C1orf105: variants seen among roughly 807,000 people sequenced by gnomAD.
C1orf105 encodes uncharacterized protein C1orf105.
C1orf105 carries 17 observed loss-of-function variants against 20.8 expected under a neutral mutation model. The ratio of observed to expected loss-of-function variants is 0.82; its 90% CI spans 0.56 to 1.23. C1orf105 has a LOEUF of 1.23. Among genes scored for constraint, C1orf105 ranks in the 50% most tolerant of loss-of-function variants. The pLI is 0.00. For missense variants in C1orf105, 219 were observed against 213.5 expected (o/e 1.03, Z -0.16); for synonymous variants, 72 against 72.1 (o/e 1.00, Z 0.01).
intron 3 of C1orf105, among the ~76,000 whole-genome samples, chr1:172,448,840 A>G (rs1447344847): frequency 6.6e-6 from 1 of 152,114 alleles, no homozygotes; most frequent in South Asian, 2.1e-4. Flanking sequence ...ACTGGAACCA[A>G]TCTGGAGTCT....
At chr1:172,447,359 C>G (rs1358494044) in intron 2 of C1orf105, among the ~76,000 whole-genome samples, 3 of 152,224 alleles carry the variant, frequency 2.0e-5, no homozygotes, top group East Asian at 1.9e-4. Context: ...AGTGCCTGTA[C>G]TGACCCACTT....
chr1:172,447,790 G>A (rs1648177998), intron 2 of C1orf105, among the ~76,000 whole-genome samples: 1 of 152,258 alleles, frequency 6.6e-6, no homozygotes, highest in Non-Finnish European at 1.5e-5. Flanking sequence ...TTGGATGCCA[G>A]GGGCATGAAT....
intron 3 of C1orf105, 25 bp from the exon 4 acceptor site, chr1:172,456,388 CCT>C (rs780657501): frequency 2.2e-5 from 35 of 1,598,162 alleles, no homozygotes; most frequent in East Asian, 1.6e-4. Flanking sequence ...CATTTCCTCA[CCT>C]CTCTCTGTCT....
chr1:172,465,537 T>C, intron 6 of C1orf105, 174 bp downstream of exon 6: 2 of 687,800 alleles, frequency 2.9e-6, no homozygotes, highest in Non-Finnish European at 5.3e-6. Flanking sequence ...ACAGCCCTTC[T>C]TTCACTCCAG....
intron 1 of C1orf105, chr1:172,441,853 A>C: frequency 1.9e-6 from 3 of 1,614,226 alleles, no homozygotes; most frequent in Non-Finnish European, 2.5e-6. Flanking sequence ...AGACATCAGC[A>C]GAAGGGCAAA....
At chr1:172,429,308 A>G (rs1211355137) in intron 1 of C1orf105, among the ~76,000 whole-genome samples, 1 of 152,194 alleles carries the variant, frequency 6.6e-6, no homozygotes, top group African/African-American at 2.4e-5. Context: ...CCTAGCACGC[A>G]TTGGGTGCTC....
intron 2 of C1orf105, among the ~76,000 whole-genome samples, chr1:172,447,639 A>T (rs1266190199): frequency 6.6e-6 from 1 of 152,218 alleles, no homozygotes; most frequent in Non-Finnish European, 1.5e-5. Flanking sequence ...TGTGAGGAGA[A>T]ATGAAGCAAG....
chr1:172,427,390 T>C (rs561875952), intron 1 of C1orf105, among the ~76,000 whole-genome samples: 1 of 152,158 alleles, frequency 6.6e-6, no homozygotes, highest in Non-Finnish European at 1.5e-5. Flanking sequence ...AACTAACAAC[T>C]CTCTACCATT....
At chr1:172,459,930 A>G (rs897004340) in intron 4 of C1orf105, among the ~76,000 whole-genome samples, 72 of 152,218 alleles carry the variant, frequency 4.7e-4, no homozygotes, top group African/African-American at 1.6e-3. Flanking sequence ...TTTGCTAAGT[A>G]AAAGAAACCA....
intron 3 of C1orf105, among the ~76,000 whole-genome samples, chr1:172,451,680 G>A (rs1265974098): frequency 6.6e-6 from 1 of 151,880 alleles, no homozygotes; most frequent in Admixed American, 6.6e-5. Flanking sequence ...TAGGGATATG[G>A]ATATTATTTT....
intron 1 of C1orf105, chr1:172,443,995 T>C (rs1647657765): frequency 2.0e-6 from 2 of 999,932 alleles, no homozygotes; most frequent in Admixed American, 6.2e-5. Flanking sequence ...TACCCGAGAG[T>C]TCCTAGGGTT....
intron 3 of C1orf105, chr1:172,453,305 G>A (rs1214692165): frequency 8.1e-7 from 1 of 1,241,314 alleles, no homozygotes; most frequent in Non-Finnish European, 1.1e-6. Context: ...ATCGGTAGGG[G>A]AAGGGAGACT....
chr1:172,423,130 C>T (rs1003032825), intron 1 of C1orf105, among the ~76,000 whole-genome samples: 7 of 152,158 alleles, frequency 4.6e-5, no homozygotes, highest in Non-Finnish European at 8.8e-5. Context: ...GAGCCTTGAG[C>T]GAACATAGAT....
intron 4 of C1orf105, among the ~76,000 whole-genome samples, chr1:172,456,977 T>A (rs1364549329): frequency 6.6e-6 from 1 of 152,186 alleles, no homozygotes; most frequent in Non-Finnish European, 1.5e-5. Flanking sequence ...CGGTGTCACC[T>A]GCTTTGGGTA....
intron 1 of C1orf105, among the ~76,000 whole-genome samples, chr1:172,424,012 A>G (rs1010894402): frequency 1.2e-4 from 19 of 152,340 alleles, no homozygotes; most frequent in African/African-American, 4.1e-4. Context: ...ACAAGTTACT[A>G]TTGAATCTAA....
At chr1:172,442,195 G>T in intron 1 of C1orf105, 1 of 1,614,078 alleles carries the variant, frequency 6.2e-7, no homozygotes, top group South Asian at 1.1e-5. Flanking sequence ...AGTGCTGACA[G>T]ACTCTGTAAG....
At chr1:172,424,016 A>G (rs2071659327) in intron 1 of C1orf105, among the ~76,000 whole-genome samples, 1 of 152,212 alleles carries the variant, frequency 6.6e-6, no homozygotes, top group African/African-American at 2.4e-5. Context: ...GTTACTATTG[A>G]ATCTAAATAC....
At chr1:172,456,512 A>AT in intron 4 of C1orf105, 23 bp downstream of exon 4, 1 of 1,606,666 alleles carries the variant, frequency 6.2e-7, no homozygotes, top group South Asian at 1.1e-5. Flanking sequence ...GAAGACAGAA[A>AT]TGGGCACAGG....
intron 1 of C1orf105, chr1:172,444,018 G>A: frequency 2.0e-6 from 2 of 1,000,182 alleles, no homozygotes; most frequent in Non-Finnish European, 2.4e-6. Context: ...GCAGCTGGGG[G>A]ACGGCGGCAC....
Sources: gnomAD v4.1 joint callset for allele counts (sites outside exome capture counted in the v4.1 genomes callset) on GRCh38, gnomAD v4.1.1 for gene constraint, MANE v1.5 for transcripts, NCBI Gene and HGNC (gene_info 2026-07-23, HGNC 2026-07-21) for gene names.